DAB1: variants seen among roughly 807,000 people sequenced by gnomAD.
DAB1 encodes the protein disabled homolog 1.
DAB1 carries 15 observed loss-of-function variants against 64.6 expected under a neutral mutation model. That is an observed-to-expected ratio of 0.23 (90% CI 0.16 to 0.36). The LOEUF (loss-of-function observed/expected upper bound fraction) is 0.36, where lower values mean the gene tolerates loss of function less well. Ranked by LOEUF, DAB1 falls within the 10% of genes least tolerant of loss-of-function variation. The probability of loss-of-function intolerance (pLI) is 1.00; values close to 1 mark genes in which losing one functional copy is unlikely to be tolerated. For missense variants in DAB1, 596 were observed against 706.7 expected, an observed-to-expected ratio of 0.84 and a Z score of 1.78; for synonymous variants, 235 against 251.9, an observed-to-expected ratio of 0.93 and a Z score of 0.64.
chr1:57,455,042 G>A (rs755812485), intron 7 of DAB1, among the ~76,000 whole-genome samples: 1 of 152,108 alleles, frequency 6.6e-6, no homozygotes, highest in Non-Finnish European at 1.5e-5. Context: ...GAAGGAAGAG[G>A]AGACACAGAG....
chr1:58,046,440 T>C (rs1488320832), intron 5 of DAB1, among the ~76,000 whole-genome samples: 1 of 152,174 alleles, frequency 6.6e-6, no homozygotes, highest in Non-Finnish European at 1.5e-5. Flanking sequence ...ACTTCTTTTT[T>C]TGTTGTTGAT....
chr1:58,350,784 T>G (rs759563275), intron 3 of DAB1, among the ~76,000 whole-genome samples: 1 of 152,208 alleles, frequency 6.6e-6, no homozygotes, highest in Non-Finnish European at 1.5e-5. Flanking sequence ...TGGTGTTATT[T>G]CTGAGGCCTC....
chr1:58,084,108 A>G (rs1412246499), intron 5 of DAB1, among the ~76,000 whole-genome samples: 1 of 152,184 alleles, frequency 6.6e-6, no homozygotes, highest in Admixed American at 6.5e-5. Flanking sequence ...GTATATATGT[A>G]AAGACTTAAA....
chr1:57,112,339 G>A (rs561511380), intron 4 of DAB1, among the ~76,000 whole-genome samples: 1 of 152,082 alleles, frequency 6.6e-6, no homozygotes, highest in Non-Finnish European at 1.5e-5. Flanking sequence ...GTGCATGCAG[G>A]GAAGCTTATT....
chr1:57,233,380 A>G (rs945281426), intron 2 of DAB1, among the ~76,000 whole-genome samples: 4 of 140,572 alleles, frequency 2.8e-5, no homozygotes, highest in Non-Finnish European at 6.1e-5. Context: ...CTCCTGCCTC[A>G]GCCTCCCAAG....
At chr1:57,286,292 A>T (rs915530214) in intron 2 of DAB1, among the ~76,000 whole-genome samples, 3 of 152,168 alleles carry the variant, frequency 2.0e-5, no homozygotes, top group Non-Finnish European at 4.4e-5. Flanking sequence ...GATGACCCAA[A>T]TTGTCAGGTA....
At chr1:58,546,089 C>A (rs1646699041) in intron 1 of DAB1, among the ~76,000 whole-genome samples, 1 of 152,188 alleles carries the variant, frequency 6.6e-6, no homozygotes, top group South Asian at 2.1e-4. Context: ...CACACACAGG[C>A]GACATTTAAA....
At chr1:58,398,381 A>C (rs1357378728) in intron 3 of DAB1, among the ~76,000 whole-genome samples, 1 of 152,192 alleles carries the variant, frequency 6.6e-6, no homozygotes, top group Non-Finnish European at 1.5e-5. Context: ...CATGACTTCT[A>C]ATCTCCCAAG....
At position 57,198,308 on chromosome 1, in the gene DAB1, A is replaced by C. The variant is rs598231; in HGVS notation, c.68-52879T>G. ...GCAGGCTTAAAGGAATGGTGCTGCC[A>C]TCAAGGAGTTCACAGTGTAGCAGGG... On this transcript the variant is annotated intron_variant, in intron 2 of 14. Transcript: ENST00000371236. Among the ~76,000 whole-genome samples, 1,301 of 152,274 alleles carry C rather than the reference A, an allele frequency of 8.5e-3. 24 individuals carry two copies. Among genetic ancestry groups the C allele is most frequent in the African/African-American group, 0.03 (1,243 of 41,542 alleles).
chr1:58,504,051 A>G (rs1645948769), intron 3 of DAB1, among the ~76,000 whole-genome samples: 1 of 152,126 alleles, frequency 6.6e-6, no homozygotes. Context: ...AGTCTCCTAA[A>G]AAGTCTCCCT....
intron 5 of DAB1, among the ~76,000 whole-genome samples, chr1:58,105,154 A>G (rs1651557004): frequency 6.6e-6 from 1 of 152,244 alleles, no homozygotes; most frequent in Non-Finnish European, 1.5e-5. Flanking sequence ...GCCCTGCAAA[A>G]GATGGCTGCT....
intron 1 of DAB1, among the ~76,000 whole-genome samples, chr1:57,311,489 TAGG>T (rs1674697572): frequency 6.6e-6 from 1 of 151,326 alleles, no homozygotes; most frequent in Admixed American, 6.6e-5. Flanking sequence ...CTTAGAATGA[TAGG>T]AGTTGTTCTT....
intron 3 of DAB1, among the ~76,000 whole-genome samples, chr1:58,477,749 AAT>A (rs1395259350): frequency 6.6e-6 from 1 of 152,158 alleles, no homozygotes; most frequent in East Asian, 1.9e-4. Context: ...TTGCTCTGAT[AAT>A]ATCATGATCC....
intron 1 of DAB1, among the ~76,000 whole-genome samples, chr1:57,299,789 C>T (rs553867856): frequency 2.0e-5 from 3 of 152,226 alleles, no homozygotes; most frequent in Non-Finnish European, 4.4e-5. Flanking sequence ...TGCCTGACTC[C>T]GCCATTGACT....
At chr1:57,951,905 A>G (rs142350024) in intron 5 of DAB1, among the ~76,000 whole-genome samples, 218 of 152,298 alleles carry the variant, frequency 1.4e-3, no homozygotes, top group African/African-American at 5.1e-3. Context: ...GGAAAACTTA[A>G]AAGAGTGAGC....
chr1:58,256,187 C>T (rs376055849), intron 4 of DAB1, among the ~76,000 whole-genome samples: 56 of 152,362 alleles, frequency 3.7e-4, no homozygotes, highest in African/African-American at 1.2e-3. Flanking sequence ...AGAGAACGCT[C>T]TTCACTATCA....
At chr1:57,643,719 T>A (rs1045906915) in intron 7 of DAB1, among the ~76,000 whole-genome samples, 1 of 152,174 alleles carries the variant, frequency 6.6e-6, no homozygotes, top group Non-Finnish European at 1.5e-5. Context: ...TATTAAAAAA[T>A]GTGTCCTGAT....
chr1:58,507,112 T>C (rs1438226357), intron 2 of DAB1, among the ~76,000 whole-genome samples: 4 of 151,954 alleles, frequency 2.6e-5, no homozygotes, highest in Non-Finnish European at 5.9e-5. Context: ...AAATACATTA[T>C]TTTATAATTA....
intron 1 of DAB1, chr1:57,306,777 A>G (rs966410469): frequency 6.6e-6 from 1 of 152,206 alleles, no homozygotes; most frequent in Admixed American, 6.5e-5. Flanking sequence ...ATGAAGTATT[A>G]CTAATAATAA....
Sources: gnomAD v4.1 joint callset for allele counts (sites outside exome capture counted in the v4.1 genomes callset) on GRCh38, gnomAD v4.1.1 for gene constraint, MANE v1.5 for transcripts, NCBI Gene and HGNC (gene_info 2026-07-23, HGNC 2026-07-21) for gene names.